The following FAT2 variants were observed in gnomAD, a reference collection of about 807,000 sequenced individuals.
FAT2 encodes FAT atypical cadherin 2.
Under a neutral mutation model 295.3 loss-of-function variants are expected in FAT2, and 150 were observed. The ratio of observed to expected loss-of-function variants is 0.51; its 90% CI spans 0.44 to 0.58. The LOEUF is 0.58. Ranked by LOEUF, FAT2 falls within the 20% of genes least tolerant of loss-of-function variation. FAT2 has a pLI of 0.00. For missense variants in FAT2, 4,868 were observed against 5,442.7 expected (o/e 0.89, Z 3.32); for synonymous variants, 2,026 against 2,150.3 (o/e 0.94, Z 1.60).
intron 6 of FAT2, 63 bp from the exon 7 acceptor site, chr5:151,551,669 T>C: frequency 6.3e-7 from 1 of 1,575,552 alleles, no homozygotes; most frequent in South Asian, 1.1e-5. Context: ...TAGCATAAGA[T>C]AGGCTTTGGT....
Position 151,521,468 on chromosome 5 carries a change from C to G in FAT2, c.11125G>C (p.Glu3709Gln), listed in dbSNP as rs1167411483. Residue 3709 changes from glutamate (E) to glutamine (Q), a missense_variant, in exon 19 of 24, where the codon GAG becomes CAG. Coordinates refer to ENST00000261800, the MANE Select transcript of FAT2 (RefSeq NM_001447.3). ...LASIITHSAKEMEHSVGVQMR... is the reference protein window; with the variant it reads ...LASIITHSAKQMEHSVGVQMR... ...TGAACCCCCACTGAATGCTCCATCTCCTTGGCTGAGTGAGTGATGATGGAT... is the reference window on the plus strand; with the variant it reads ...TGAACCCCCACTGAATGCTCCATCTGCTTGGCTGAGTGAGTGATGATGGAT... The G allele has an allele frequency of 1.2e-6, 2 of 1,614,116 alleles. No homozygotes were observed. The highest frequency in any genetic ancestry group is 1.7e-6 in the Non-Finnish European group (2 of 1,180,052).
chr5:151,505,286 C>T lies in FAT2; in HGVS notation c.*279G>A. The T allele has an allele frequency of 2.0e-6, 1 of 512,658 alleles. No individual in the cohort carries two copies. The highest frequency in any genetic ancestry group is 2.5e-5 in the South Asian group (1 of 39,342). 31.8% of individuals were successfully genotyped at this position (512,658 alleles called of 1,614,324 possible). On this transcript the variant is annotated 3_prime_UTR_variant, in exon 24 of 24. Transcript: ENST00000261800. ...AGGGAGCCCTCCTGTCTCTCGCCCA[C>T]CCCGGGAGTCAATTGTTCCTGGTTT...
Position 151,505,816 on chromosome 5 carries a change from A to G in FAT2, c.12799T>C (p.Cys4267Arg), listed in dbSNP as rs529089589. ...CTGATGGCCGTGTACTCATTGAGAC[A>G]GGGGGCAACCAGGCGCTCCCGGGGA... ...PSPRERLVAP[C>R]LNEYTAISYY... The change falls in exon 24 of 24, where the codon TGT (cysteine) becomes CGT (arginine). Residue 4267 changes from cysteine to arginine, a missense_variant. By Grantham distance (180) the Cys-to-Arg change is radical. This residue lies in a region of FAT2 where 492 missense variants were observed against 482.6 expected (regional missense o/e 1.02). Coordinates refer to ENST00000261800, the MANE Select transcript of FAT2 (RefSeq NM_001447.3). The G allele has an allele frequency of 5.0e-6, 8 of 1,613,278 alleles. No individual in the cohort carries two copies. The East Asian group carries it at 6.7e-5, about 13-fold the overall frequency.
chr5:151,549,889 T>G (rs548160152), intron 8 of FAT2, among the ~76,000 whole-genome samples: 8 of 152,320 alleles, frequency 5.3e-5, no homozygotes, highest in African/African-American at 1.9e-4. Context: ...CAAACAGTTT[T>G]CTTTGTTGCA....
At chr5:151,580,511 G>C (rs1345901812) in intron 1 of FAT2, among the ~76,000 whole-genome samples, 1 of 152,190 alleles carries the variant, frequency 6.6e-6, no homozygotes, top group African/African-American at 2.4e-5. Context: ...TGTGTAGAAT[G>C]TAGGAATTAT....
chr5:151,509,949 TTTCTAGAGGTCAGAGTACAGAGCGCATTC>T, intron 22 of FAT2, 43 bp downstream of exon 22: 1 of 1,547,988 alleles, frequency 6.5e-7, no homozygotes, highest in South Asian at 1.2e-5. Flanking sequence ...CCCATTGGAC[TTTCTAGAGGTCAGAGTACAGAGCGCATTC>T]CCTAACAAGG....
At chr5:151,511,355 A>G (rs1293179495) in intron 21 of FAT2, 1 of 152,164 alleles carries the variant, frequency 6.6e-6, no homozygotes, top group Non-Finnish European at 1.5e-5. Flanking sequence ...GCATGTGGGT[A>G]CACAGGAACC....
intron 18 of FAT2, among the ~76,000 whole-genome samples, chr5:151,523,483 G>A (rs1480807366): frequency 6.6e-6 from 1 of 152,210 alleles, no homozygotes; most frequent in Non-Finnish European, 1.5e-5. Flanking sequence ...GATAAGGCCT[G>A]AGCAGAATCT....
intron 2 of FAT2, 147 bp from the exon 3 acceptor site, chr5:151,563,786 G>T: frequency 1.6e-6 from 1 of 643,420 alleles, no homozygotes; most frequent in Non-Finnish European, 2.7e-6. Context: ...GCTTCTACCA[G>T]TATAATGTGG....
Position 151,567,061 on chromosome 5 carries a change from G to T in FAT2, c.1871C>A (p.Pro624His), listed in dbSNP as rs1396762914. Residue 624 changes from proline (P) to histidine (H), a missense_variant, in exon 2 of 24, where the codon CCT becomes CAT. Transcript: ENST00000261800. Reference sequence around the variant, plus strand: ...TTGACCAGCAGTAAGATTGATAAAAGGGCGTTTGAGGGATATCACTCCGGA... The same window carrying T: ...TTGACCAGCAGTAAGATTGATAAAATGGCGTTTGAGGGATATCACTCCGGA... The part of the protein sequence containing the change: ...HFSGVISLKR[P>H]FINLTAGQPT... The T allele has an allele frequency of 6.2e-7, 1 of 1,613,960 alleles. No homozygotes were observed. Among genetic ancestry groups the T allele is most frequent in the Non-Finnish European group, 8.5e-7 (1 of 1,179,978 alleles).
chr5:151,505,605 A>G lies in FAT2; in HGVS notation c.13010T>C (p.Val4337Ala). The change falls in exon 24 of 24, where the codon GTG (valine) becomes GCG (alanine). Residue 4337 changes from valine to alanine, a missense_variant. Physicochemically the swap from Val to Ala is moderately conservative, Grantham distance 64. Transcript: ENST00000261800. ...VPPNYEGSDMVESDYGSCEEV... is the reference protein window; with the variant it reads ...VPPNYEGSDMAESDYGSCEEV... ...CTCACAGCTGCCATAATCACTCTCC[A>G]CCATGTCAGAGCCCTCATAGTTGGG... 1 of 1,613,950 alleles carries G rather than the reference A, an allele frequency of 6.2e-7. No individual in the cohort carries two copies. The highest frequency in any genetic ancestry group is 8.5e-7 in the Non-Finnish European group (1 of 1,179,930).
chr5:151,592,425 TC>T (rs552450114), upstream of FAT2, among the ~76,000 whole-genome samples: 1,069 of 152,092 alleles, frequency 7.0e-3, 5 homozygotes, highest in Non-Finnish European at 0.012. Flanking sequence ...TTCTGTCCAA[TC>T]CCCTCCCTCC....
rs2127630800 is a variant in FAT2 at position 151,554,491 on chromosome 5, A to C, written c.3816T>G (p.Asp1272Glu). The C allele has an allele frequency of 3.7e-6, 6 of 1,614,198 alleles. No homozygotes were observed. Among genetic ancestry groups the C allele is most frequent in the Non-Finnish European group, 5.1e-6 (6 of 1,180,034 alleles). ...PVYRLVASDLDEGLNGRVTYS... is the reference protein window; with the variant it reads ...PVYRLVASDLEEGLNGRVTYS... Reference sequence around the variant, plus strand: ...AGGTGACTCTGCCATTAAGACCCTCATCCAGGTCTGAAGCCACCAGCCTGT... The same window carrying C: ...AGGTGACTCTGCCATTAAGACCCTCCTCCAGGTCTGAAGCCACCAGCCTGT... The change falls in exon 5 of 24, where the codon GAT (aspartate) becomes GAG (glutamate). Residue 1272 changes from aspartate to glutamate, a missense_variant. Physicochemically the swap from Asp to Glu is conservative, Grantham distance 45. Transcript: ENST00000261800.
At position 151,535,348 on chromosome 5, in the gene FAT2, T is replaced by A. The variant is rs998933305; in HGVS notation, c.9194-706A>T. ...AGCAAGATTCCCATCTTTCCCCCCTTTTCTAATTGTGGGTTTTAAGACCCT... is the reference window on the plus strand; with the variant it reads ...AGCAAGATTCCCATCTTTCCCCCCTATTCTAATTGTGGGTTTTAAGACCCT... On this transcript the variant is annotated intron_variant, in intron 12 of 23. Coordinates refer to ENST00000261800, the MANE Select transcript of FAT2 (RefSeq NM_001447.3). Among the ~76,000 whole-genome samples, 14 of 152,076 alleles carry A rather than the reference T, an allele frequency of 9.2e-5. No individual in the cohort carries two copies. The Middle Eastern group carries it at 0.014, about 148-fold the overall frequency.
intron 3 of FAT2, 147 bp from the exon 4 acceptor site, chr5:151,556,549 A>G (rs568916958): frequency 3.2e-6 from 2 of 617,536 alleles, no homozygotes; most frequent in South Asian, 2.0e-5. Flanking sequence ...GACTTAGGAT[A>G]GTTCAACTTA....
intron 14 of FAT2, among the ~76,000 whole-genome samples, chr5:151,529,863 A>G (rs989855390): frequency 1.3e-5 from 2 of 152,228 alleles, no homozygotes; most frequent in East Asian, 1.9e-4. Flanking sequence ...TTGTTAGGGC[A>G]TAGGTTATTA....
Position 151,506,110 on chromosome 5 carries a change from A to C in FAT2, c.12518-13T>G, listed in dbSNP as rs566260974. 4 of 1,502,056 alleles carry C rather than the reference A, an allele frequency of 2.7e-6. No individual in the cohort carries two copies. The African/African-American group carries it at 5.7e-5, about 21-fold the overall frequency. 93.0% of individuals were successfully genotyped at this position (1,502,056 alleles called of 1,614,324 possible). On this transcript the variant is annotated splice_polypyrimidine_tract_variant and intron_variant, in intron 23 of 23. Transcript: ENST00000261800. Reference sequence around the variant, plus strand: ...CCGCCAGGGTACACTGAAAGGGAACAGCAAGATAGGGTGAGCTCATTTTCT... The same window carrying C: ...CCGCCAGGGTACACTGAAAGGGAACCGCAAGATAGGGTGAGCTCATTTTCT...
rs1756037236 is a variant in FAT2, at chr5:151,540,661, A to G, written c.8945T>C (p.Leu2982Pro). 1.2e-6 allele frequency: 2 copies of G among 1,614,058 alleles called. No homozygotes were observed. Among genetic ancestry groups the G allele is most frequent in the African/African-American group, 1.3e-5 (1 of 74,918 alleles). Residue 2982 changes from leucine (L) to proline (P), a missense_variant, in exon 11 of 24, where the codon CTC (leucine) becomes CCC (proline). Physicochemically the swap from Leu to Pro is moderately conservative, Grantham distance 98. This residue lies in a region of FAT2 where 3,297 missense variants were observed against 3,669.4 expected (regional missense o/e 0.90). Coordinates refer to ENST00000261800, the MANE Select transcript of FAT2 (RefSeq NM_001447.3). ...LDREHTAKYL[L>P]RVTASDGKFQ... ...CTTGCCATCAGATGCTGTGACTCTG[A>G]GCAAGTACTTGGCTGTATGCTCGCG...
At chr5:151,550,520 TCTC>T (rs1757095668) in intron 8 of FAT2, 67 bp downstream of exon 8, 1 of 1,529,302 alleles carries the variant, frequency 6.5e-7, no homozygotes, top group Admixed American at 1.7e-5. Flanking sequence ...CTTCAGCATG[TCTC>T]CAAGCATGTC....
Sources: allele counts gnomAD v4.1 joint callset (sites outside exome capture counted in the v4.1 genomes callset), GRCh38; gene constraint gnomAD v4.1.1; regional missense constraint gnomAD v4.1.1; transcripts MANE v1.5; gene names NCBI Gene and HGNC (gene_info 2026-07-23, HGNC 2026-07-21).